STAT3: variants seen among roughly 807,000 people sequenced by gnomAD.
The protein encoded by STAT3 is signal transducer and activator of transcription 3, also known as DNA-binding protein APRF.
In STAT3, 7 loss-of-function variants were observed where a neutral mutation model predicts 114.3. The ratio of observed to expected loss-of-function variants is 0.06; its 90% CI spans 0.03 to 0.11. The LOEUF (loss-of-function observed/expected upper bound fraction) is 0.11, where lower values mean the gene tolerates loss of function less well. Ranked by LOEUF, STAT3 falls within the 10% of genes least tolerant of loss-of-function variation. The pLI, the probability that STAT3 is intolerant of heterozygous loss-of-function variation, is 1.00. For missense variants in STAT3, 364 were observed against 960.9 expected (o/e 0.38, Z 8.21); for synonymous variants, 331 against 354.5 (o/e 0.93, Z 0.74).
chr17:42,365,291 C>G (rs904854463), intron 1 of STAT3, among the ~76,000 whole-genome samples: 9 of 152,210 alleles, frequency 5.9e-5, no homozygotes, highest in African/African-American at 1.7e-4. Context: ...ACAGTCTCAG[C>G]TGAAATCAGC....
intron 1 of STAT3, among the ~76,000 whole-genome samples, chr17:42,356,634 T>C (rs1042985135): frequency 7.2e-5 from 11 of 151,878 alleles, no homozygotes; most frequent in African/African-American, 2.7e-4. Flanking sequence ...GAAAAGAGTA[T>C]TGTGTTTGTT....
chr17:42,373,791 A>G (rs1040834983), intron 1 of STAT3, among the ~76,000 whole-genome samples: 9 of 151,460 alleles, frequency 5.9e-5, no homozygotes, highest in African/African-American at 2.2e-4. Flanking sequence ...AGGCTGAGGC[A>G]GGAGAATGGC....
intron 1 of STAT3, among the ~76,000 whole-genome samples, chr17:42,378,245 T>C (rs769316610): frequency 1.1e-4 from 17 of 151,578 alleles, no homozygotes; most frequent in Admixed American, 4.6e-4. Context: ...TAATTATGCT[T>C]GTTTTTGTTT....
At chr17:42,373,872 G>A (rs1003781982) in intron 1 of STAT3, among the ~76,000 whole-genome samples, 1 of 142,914 alleles carries the variant, frequency 7.0e-6, no homozygotes, top group African/African-American at 2.6e-5. Flanking sequence ...GCAACAGAGC[G>A]AGACTCCGTC....
At chr17:42,329,188 GA>G (rs2081879203) in intron 14 of STAT3, among the ~76,000 whole-genome samples, 1 of 152,188 alleles carries the variant, frequency 6.6e-6, no homozygotes, top group East Asian at 1.9e-4. Flanking sequence ...TCTCCTTAAG[GA>G]GGAGCCAACT....
At chr17:42,329,245 C>A (rs1158215379) in intron 14 of STAT3, among the ~76,000 whole-genome samples, 165 bp downstream of exon 14, 1 of 152,202 alleles carries the variant, frequency 6.6e-6, no homozygotes, top group African/African-American at 2.4e-5. Flanking sequence ...CTCCATGGCA[C>A]ATGGAACTTC....
At chr17:42,322,879 G>T in intron 20 of STAT3, 125 bp downstream of exon 20, 1 of 1,382,614 alleles carries the variant, frequency 7.2e-7, no homozygotes, top group Non-Finnish European at 1.0e-6. Flanking sequence ...TGTTTTGCGA[G>T]TCTGAGTGAA....
At chr17:42,359,087 C>G (rs893640578) in intron 1 of STAT3, among the ~76,000 whole-genome samples, 2 of 151,954 alleles carry the variant, frequency 1.3e-5, no homozygotes, top group African/African-American at 4.8e-5. Flanking sequence ...AGGCGCCCGC[C>G]ACCACACCCG....
chr17:42,315,874 C>T, intron 23 of STAT3, 74 bp from the exon 24 acceptor site: 1 of 1,612,040 alleles, frequency 6.2e-7, no homozygotes, highest in Non-Finnish European at 8.5e-7. Flanking sequence ...CCCAGCCCTT[C>T]AGAGGACAGG....
chr17:42,370,983 A>C (rs1050400906), intron 1 of STAT3, among the ~76,000 whole-genome samples: 1 of 152,174 alleles, frequency 6.6e-6, no homozygotes. Context: ...TTAGCCTAAC[A>C]TAAAGCAGAA....
chr17:42,324,706 C>A lies in STAT3; in HGVS notation c.1600+5G>T, dbSNP rs573079206. The A allele has an allele frequency of 2.5e-6, 4 of 1,608,754 alleles. No homozygotes were observed. Among genetic ancestry groups the A allele is most frequent in the African/African-American group, 2.7e-5 (2 of 74,774 alleles). On this transcript the variant is annotated splice_donor_5th_base_variant and intron_variant, in intron 17 of 23. Coordinates refer to ENST00000264657, the MANE Select transcript of STAT3 (RefSeq NM_139276.3). This position sits in a 1 kb window ranked among gnomAD's most constrained non-coding sequence, Gnocchi z 4.5. ...GGCGGGAGGGAGAAGGGGTGAAATG[C>A]GGACCCAAGAGTTTCTCTGCCAGTG...
intron 21 of STAT3, among the ~76,000 whole-genome samples, chr17:42,320,468 GC>G (rs2081425269): frequency 6.6e-6 from 1 of 152,124 alleles, no homozygotes; most frequent in South Asian, 2.1e-4. Flanking sequence ...AGTGGCTCAC[GC>G]CTGTAATCCC....
chr17:42,322,886 T>C, intron 20 of STAT3, 118 bp downstream of exon 20: 1 of 1,443,306 alleles, frequency 6.9e-7, no homozygotes, highest in Non-Finnish European at 9.7e-7. Context: ...CGAGTCTGAG[T>C]GAAACAGGGA....
intron 10 of STAT3, 64 bp from the exon 11 acceptor site, chr17:42,331,595 G>T: frequency 1.5e-6 from 2 of 1,350,146 alleles, no homozygotes; most frequent in Non-Finnish European, 1.1e-6. Context: ...TTTTCTTGAA[G>T]AAATGTAAAA....
chr17:42,346,788 A>G (rs2082716073), intron 2 of STAT3, 75 bp from the exon 3 acceptor site: 1 of 1,608,110 alleles, frequency 6.2e-7, no homozygotes, highest in African/African-American at 1.3e-5. Context: ...CACCATCAAG[A>G]AAGAGGAAAA....
In STAT3 at chr17:42,329,818, T is replaced by C. The variant is rs1351660821; in HGVS notation, c.1110-42A>G. On this transcript the variant is annotated intron_variant, in intron 11 of 23. Coordinates refer to ENST00000264657, the MANE Select transcript of STAT3 (RefSeq NM_139276.3). ...TGTTGTTAATAAAATAGGCTCTGTGTTTCTTCAAAAAGCCTACTTTGACCA... is the reference window on the plus strand; with the variant it reads ...TGTTGTTAATAAAATAGGCTCTGTGCTTCTTCAAAAAGCCTACTTTGACCA... 2.5e-6 allele frequency: 4 copies of C among 1,611,616 alleles called. No homozygotes were observed. The East Asian group carries it at 8.9e-5, about 36-fold the overall frequency.
chr17:42,372,301 G>A (rs1294512110), intron 1 of STAT3, among the ~76,000 whole-genome samples: 1 of 152,126 alleles, frequency 6.6e-6, no homozygotes, highest in Non-Finnish European at 1.5e-5. Context: ...AAGCAACCAA[G>A]ATGTCTATCC....
intron 10 of STAT3, among the ~76,000 whole-genome samples, chr17:42,332,978 G>A (rs2082086948): frequency 6.6e-6 from 1 of 152,144 alleles, no homozygotes; most frequent in Admixed American, 6.6e-5. Flanking sequence ...ACCAGCCTGG[G>A]TGAGAGTGAG....
At chr17:42,382,386 C>T (rs1016058990) in intron 1 of STAT3, among the ~76,000 whole-genome samples, 1 of 152,144 alleles carries the variant, frequency 6.6e-6, no homozygotes, top group African/African-American at 2.4e-5. Flanking sequence ...AAAATAGAGG[C>T]TCAGATTCTG....
Sources: gnomAD v4.1 joint callset for allele counts (sites outside exome capture counted in the v4.1 genomes callset) on GRCh38, gnomAD v4.1.1 for gene constraint, Gnocchi (gnomAD v3.1) non-coding constraint, MANE v1.5 for transcripts, NCBI Gene and HGNC (gene_info 2026-07-23, HGNC 2026-07-21) for gene names.